Variants in ACVR1 observed in about 807,000 individuals in gnomAD.
ACVR1 encodes activin A receptor type 1, also known as activin receptor type-1.
In ACVR1, 38 loss-of-function variants were observed where a neutral mutation model predicts 57.1. That is an observed-to-expected ratio of 0.67 (90% CI 0.51 to 0.87). The LOEUF is 0.87. Among genes scored for constraint, ACVR1 ranks in the 40% least tolerant of loss-of-function variants. The probability of loss-of-function intolerance (pLI) is 0.00; values close to 1 mark genes in which losing one functional copy is unlikely to be tolerated. For synonymous variants in ACVR1, 212 were observed against 228.1 expected, an observed-to-expected ratio of 0.93 and a Z score of 0.63; for missense variants, 463 against 638.2, an observed-to-expected ratio of 0.73 and a Z score of 2.96.
chr2:157,839,955 C>G (rs1688922598), intron 1 of ACVR1, among the ~76,000 whole-genome samples: 1 of 152,196 alleles, frequency 6.6e-6, no homozygotes, highest in Non-Finnish European at 1.5e-5. Context: ...GATACACCCC[C>G]TCCTATTCTG....
At chr2:157,818,793 G>C (rs1688040255) in intron 1 of ACVR1, among the ~76,000 whole-genome samples, 1 of 152,066 alleles carries the variant, frequency 6.6e-6, no homozygotes, top group Admixed American at 6.5e-5. Context: ...AAACCAGTAA[G>C]ATCGGCCGGG....
intron 1 of ACVR1, among the ~76,000 whole-genome samples, chr2:157,820,093 T>TC (rs1688111580): frequency 6.6e-6 from 1 of 152,186 alleles, no homozygotes; most frequent in Non-Finnish European, 1.5e-5. Flanking sequence ...ATCAAACCGT[T>TC]CCTCACTTCA....
At chr2:157,829,396 G>T (rs1688505198) in intron 1 of ACVR1, among the ~76,000 whole-genome samples, 1 of 152,170 alleles carries the variant, frequency 6.6e-6, no homozygotes, top group Non-Finnish European at 1.5e-5. Flanking sequence ...CACCAGCAGT[G>T]GCCCAACTGA....
intron 9 of ACVR1, among the ~76,000 whole-genome samples, chr2:157,754,832 G>A (rs751172082): frequency 2.0e-5 from 3 of 151,882 alleles, no homozygotes; most frequent in East Asian, 1.9e-4. Context: ...ACCAATATCC[G>A]TGATGAACAT....
chr2:157,778,199 G>T lies in ACVR1; in HGVS notation c.475C>A (p.Pro159Thr). 1.2e-6 allele frequency: 2 copies of T among 1,614,100 alleles called. No homozygotes were observed. Among genetic ancestry groups the T allele is most frequent in the Non-Finnish European group, 1.7e-6 (2 of 1,179,998 alleles). Reference protein sequence around the residue: ...FKRRNQERLNPRDVEYGTIEG... With the variant: ...FKRRNQERLNTRDVEYGTIEG... ...ATAGTGCCATACTCCACGTCTCGGG[G>T]ATTGAGGCGTTCTTGGTTGCGCCTT... Residue 159 changes from proline (P) to threonine (T), a missense_variant, in exon 5 of 11, where the codon CCC becomes ACC. By Grantham distance (38) the Pro-to-Thr change is conservative (BLOSUM62 -1). Around this residue, in one of 3 missense-constraint regions of ACVR1, gnomAD observed 203 missense variants for 235.5 expected, o/e 0.86. Transcript: ENST00000434821.
intron 4 of ACVR1, among the ~76,000 whole-genome samples, chr2:157,779,858 A>G (rs1332629171): frequency 2.0e-5 from 3 of 152,160 alleles, no homozygotes; most frequent in Non-Finnish European, 4.4e-5. Context: ...TGGGCATCAG[A>G]TATGGGAGAA....
intron 1 of ACVR1, among the ~76,000 whole-genome samples, chr2:157,874,461 G>A (rs772751445): frequency 1.3e-5 from 2 of 152,214 alleles, no homozygotes; most frequent in Non-Finnish European, 2.9e-5. Context: ...GTCAGCACAA[G>A]TCTAGTGTCT....
intron 6 of ACVR1, among the ~76,000 whole-genome samples, chr2:157,773,881 G>A (rs146814720): frequency 6.6e-6 from 1 of 152,166 alleles, no homozygotes; most frequent in Non-Finnish European, 1.5e-5. Context: ...TGCATTCTCT[G>A]TACTCATTAG....
chr2:157,865,653 G>A (rs988976252), intron 1 of ACVR1, among the ~76,000 whole-genome samples: 11 of 151,906 alleles, frequency 7.2e-5, no homozygotes, highest in African/African-American at 1.7e-4. Flanking sequence ...TTAGCCGGGC[G>A]TGGTGGCGCA....
intron 1 of ACVR1, among the ~76,000 whole-genome samples, chr2:157,844,866 C>A (rs1011484230): frequency 7.9e-5 from 12 of 152,104 alleles, no homozygotes; most frequent in Non-Finnish European, 1.6e-4. Context: ...TCCCTGGGCC[C>A]CCCCTTCCAC....
chr2:157,747,537 G>A (rs187543106), intron 9 of ACVR1, among the ~76,000 whole-genome samples: 37 of 152,064 alleles, frequency 2.4e-4, no homozygotes, highest in South Asian at 4.2e-4. Context: ...AAGATGATAC[G>A]GAATTATATC....
In ACVR1 at chr2:157,737,605, G is replaced by GCA. The variant is rs1684583170; in HGVS notation, c.1455_1456insTG (p.Leu486CysfsTer11). The GCA allele has an allele frequency of 6.2e-7, 1 of 1,614,006 alleles. No individual in the cohort carries two copies. The highest frequency in any genetic ancestry group is 1.1e-5 in the South Asian group (1 of 91,090). On this transcript the variant is annotated frameshift_variant, in exon 11 of 11. Transcript: ENST00000434821. LOFTEE classifies it high-confidence loss of function. ...GTCTTTTTGATACGCAGTGCTGTGA[G>GCA]TCTTGCGGATGGATTTTGATACCAG...
intron 1 of ACVR1, among the ~76,000 whole-genome samples, chr2:157,821,483 G>A (rs1016556589): frequency 4.0e-5 from 6 of 151,870 alleles, no homozygotes; most frequent in East Asian, 3.9e-4. Flanking sequence ...CAAGATCAGC[G>A]CCACTGCACT....
intron 9 of ACVR1, 91 bp downstream of exon 9, chr2:157,760,789 G>A (rs934879028): frequency 1.6e-6 from 2 of 1,268,458 alleles, no homozygotes; most frequent in African/African-American, 1.5e-5. Context: ...AAAGAACAAT[G>A]TGAATTTCAA....
chr2:157,770,251 C>T, intron 7 of ACVR1, 117 bp downstream of exon 7: 1 of 1,085,464 alleles, frequency 9.2e-7, no homozygotes, highest in African/African-American at 1.5e-5. Context: ...GCTAAGGATC[C>T]CTATATTGCT....
intron 1 of ACVR1, among the ~76,000 whole-genome samples, chr2:157,853,414 AG>A (rs1025380998): frequency 3.0e-4 from 46 of 152,294 alleles, no homozygotes; most frequent in African/African-American, 1.1e-3. Context: ...TAATCCCATC[AG>A]GAAGGTCCCG....
At chr2:157,774,002 A>C in intron 6 of ACVR1, 86 bp downstream of exon 6, 2 of 1,164,842 alleles carry the variant, frequency 1.7e-6, no homozygotes, top group Non-Finnish European at 2.5e-6. Flanking sequence ...GGTAACAAAA[A>C]GCAGATTTTC....
chr2:157,851,876 CA>C (rs1689315111), intron 1 of ACVR1, among the ~76,000 whole-genome samples: 7 of 3,452 alleles, frequency 2.0e-3, no homozygotes, highest in Non-Finnish European at 2.6e-3. Context: ...CACACACACA[CA>C]CACACACACA....
intron 9 of ACVR1, among the ~76,000 whole-genome samples, chr2:157,750,974 T>C (rs1335683509): frequency 6.6e-6 from 1 of 151,386 alleles, no homozygotes; most frequent in Non-Finnish European, 1.5e-5. Flanking sequence ...CCCACTTAGA[T>C]GGACAGAGCA....
Sources: allele counts gnomAD v4.1 joint callset (sites outside exome capture counted in the v4.1 genomes callset), GRCh38; gene constraint gnomAD v4.1.1; regional missense constraint gnomAD v4.1.1; transcripts MANE v1.5; gene names NCBI Gene and HGNC (gene_info 2026-07-23, HGNC 2026-07-21).